Variants in ZNF362 observed in about 807,000 individuals in gnomAD.
ZNF362 encodes zinc finger protein 362.
Under a neutral mutation model 42.9 loss-of-function variants are expected in ZNF362, and 11 were observed. The ratio of observed to expected loss-of-function variants is 0.26; its 90% CI spans 0.16 to 0.42. ZNF362 has a LOEUF of 0.42. Among genes scored for constraint, ZNF362 ranks in the 20% least tolerant of loss-of-function variants. ZNF362 has a pLI of 1.00. For missense variants in ZNF362, 362 were observed against 576.2 expected (o/e 0.63, Z 3.81); for synonymous variants, 255 against 257.3 (o/e 0.99, Z 0.09).
At chr1:33,152,089 G>C in the ZNF362 span, among the ~76,000 whole-genome samples, 4 of 152,234 alleles carry the variant, frequency 2.6e-5, no homozygotes, top group African/African-American at 9.6e-5. Flanking sequence ...CACCACGACA[G>C]ACCCAGGGGC....
the ZNF362 span, among the ~76,000 whole-genome samples, chr1:33,201,833 A>G: frequency 6.6e-6 from 1 of 152,256 alleles, no homozygotes; most frequent in African/African-American, 2.4e-5. Context: ...AAGCTGGTTC[A>G]TAGAGCAGAC....
chr1:33,149,610 A>C, the ZNF362 span, among the ~76,000 whole-genome samples: 3 of 151,002 alleles, frequency 2.0e-5, no homozygotes, highest in Non-Finnish European at 2.9e-5. Context: ...ATGCATCACT[A>C]TGCGCAGCTA....
the ZNF362 span, among the ~76,000 whole-genome samples, chr1:33,221,766 T>G: frequency 6.6e-6 from 1 of 152,058 alleles, no homozygotes; most frequent in African/African-American, 2.4e-5. Context: ...AACTTTAAGG[T>G]GTGTCTGATC....
intron 1 of ZNF362, chr1:33,261,282 C>G (rs1382291049): frequency 6.6e-6 from 1 of 152,168 alleles, no homozygotes; most frequent in South Asian, 2.1e-4. Context: ...AACCAGGCCA[C>G]CTAGCTTCCT....
chr1:33,256,243 C>G (rs1645788632), upstream of ZNF362, among the ~76,000 whole-genome samples: 1 of 142,748 alleles, frequency 7.0e-6, no homozygotes, highest in African/African-American at 2.5e-5. Context: ...GGCCCCAGCG[C>G]GCGGCCCGCC....
At chr1:33,194,263 C>A in the ZNF362 span, among the ~76,000 whole-genome samples, 108,592 of 151,926 alleles carry the variant, frequency 0.71, 39,170 homozygotes, top group Non-Finnish European at 0.76. Flanking sequence ...GGGCTGGGCA[C>A]GGTGGCTCAC....
At chr1:33,246,548 C>T in the ZNF362 span, among the ~76,000 whole-genome samples, 1 of 152,180 alleles carries the variant, frequency 6.6e-6, no homozygotes, top group Non-Finnish European at 1.5e-5. Flanking sequence ...GACTGGGTCC[C>T]CAGTTCAGAG....
chr1:33,277,036 G>A (rs1645956133), intron 4 of ZNF362, among the ~76,000 whole-genome samples: 1 of 152,268 alleles, frequency 6.6e-6, no homozygotes. Context: ...GGCGGAGGGA[G>A]TATGTGTGTA....
chr1:33,205,500 G>A, the ZNF362 span, among the ~76,000 whole-genome samples: 1 of 151,740 alleles, frequency 6.6e-6, no homozygotes, highest in South Asian at 2.1e-4. Context: ...AGAAAAAAAT[G>A]CAAAGGATCT....
At chr1:33,193,004 C>CACACATATATATATATATAT in the ZNF362 span, among the ~76,000 whole-genome samples, 7 of 137,202 alleles carry the variant, frequency 5.1e-5, no homozygotes, top group Admixed American at 3.0e-4. Context: ...CACACACACA[C>CACACATATATATATATATAT]ATATATATAT....
At chr1:33,203,508 C>T in the ZNF362 span, among the ~76,000 whole-genome samples, 1 of 152,270 alleles carries the variant, frequency 6.6e-6, no homozygotes, top group African/African-American at 2.4e-5. Context: ...ATTGCTGGGT[C>T]ATATAGTACT....
the ZNF362 span, among the ~76,000 whole-genome samples, chr1:33,127,926 C>T: frequency 2.6e-5 from 4 of 152,136 alleles, no homozygotes; most frequent in Non-Finnish European, 4.4e-5. Context: ...AGGACTCCTA[C>T]CCTCCACTGC....
chr1:33,161,662 G>T, the ZNF362 span, among the ~76,000 whole-genome samples: 2 of 152,122 alleles, frequency 1.3e-5, no homozygotes, highest in African/African-American at 4.8e-5. This position sits in a 1 kb window ranked among gnomAD's most constrained non-coding sequence, Gnocchi z 4.3. Context: ...CACCCGGGGA[G>T]GGTGGAGGCC....
chr1:33,133,778 G>T, the ZNF362 span, among the ~76,000 whole-genome samples: 105 of 152,348 alleles, frequency 6.9e-4, no homozygotes, highest in African/African-American at 2.1e-3. Context: ...CACGGAGGAG[G>T]CATGGTGCAG....
chr1:33,177,039 GCACACACACACGCA>G, the ZNF362 span, among the ~76,000 whole-genome samples: 143 of 58,752 alleles, frequency 2.4e-3, no homozygotes, highest in African/African-American at 4.7e-3. This position sits in a 1 kb window ranked among gnomAD's most constrained non-coding sequence, Gnocchi z 4.1. Context: ...ACATACACAT[GCACACACACACGCA>G]CACACACACA....
the ZNF362 span, among the ~76,000 whole-genome samples, chr1:33,155,018 G>T: frequency 7.0e-6 from 1 of 142,122 alleles, no homozygotes; most frequent in African/African-American, 2.6e-5. Flanking sequence ...GCGTGAACCC[G>T]GGAGGCAGAC....
In ZNF362 at chr1:33,300,408, C is replaced by T. The variant is rs1646159474; in HGVS notation, c.*1362C>T. Reference sequence around the variant, plus strand: ...TACTCCCTGTAAATACGCTGTTATACATACTGTTAACACCCCTTTGCTTTT... The same window carrying T: ...TACTCCCTGTAAATACGCTGTTATATATACTGTTAACACCCCTTTGCTTTT... On this transcript the variant is annotated 3_prime_UTR_variant, in exon 9 of 9. Coordinates refer to ENST00000539719, the MANE Select transcript of ZNF362 (RefSeq NM_152493.3). The T allele has an allele frequency of 6.9e-6, 1 of 145,726 alleles. No individual in the cohort carries two copies. Among genetic ancestry groups the T allele is most frequent in the African/African-American group, 2.5e-5 (1 of 39,380 alleles). The allele number at this position is 145,726 out of a possible 1,614,324, so 9.0% of individuals were successfully genotyped here.
the ZNF362 span, among the ~76,000 whole-genome samples, chr1:33,152,200 G>A: frequency 6.6e-6 from 1 of 152,234 alleles, no homozygotes; most frequent in Non-Finnish European, 1.5e-5. Flanking sequence ...AGAGGAAGCA[G>A]AGTTGGAACT....
chr1:33,164,170 G>T, the ZNF362 span: 1 of 152,242 alleles, frequency 6.6e-6, no homozygotes, highest in African/African-American at 2.4e-5. Context: ...GCCCCCGAGG[G>T]TCCTGCCCAG....
Sources: allele counts gnomAD v4.1 joint callset (sites outside exome capture counted in the v4.1 genomes callset), GRCh38; gene constraint gnomAD v4.1.1; non-coding constraint Gnocchi (gnomAD v3.1); transcripts MANE v1.5; gene names NCBI Gene and HGNC (gene_info 2026-07-23, HGNC 2026-07-21).